Variants in PTPRM observed in about 807,000 individuals in gnomAD.
PTPRM encodes protein tyrosine phosphatase receptor type M, also known as receptor-type tyrosine-protein phosphatase mu.
In PTPRM, 47 loss-of-function variants were observed where a neutral mutation model predicts 186.7. The observed-to-expected ratio is 0.25, with a 90% CI of 0.20 to 0.32. The LOEUF (loss-of-function observed/expected upper bound fraction) is 0.32. PTPRM is among the 10% of genes least tolerant of loss of function. PTPRM has a pLI of 1.00. For missense variants in PTPRM, 1,494 were observed against 1,865.0 expected (o/e 0.80, Z 3.66); for synonymous variants, 668 against 674.9 (o/e 0.99, Z 0.16).
chr18:7,720,257 T>A (rs1259375778), intron 1 of PTPRM, among the ~76,000 whole-genome samples: 2 of 152,072 alleles, frequency 1.3e-5, no homozygotes, highest in African/African-American at 4.8e-5. Flanking sequence ...CGTACAAAAA[T>A]AGGAAGACCT....
At chr18:8,346,480 T>G (rs527782870) in intron 23 of PTPRM, among the ~76,000 whole-genome samples, 1 of 152,328 alleles carries the variant, frequency 6.6e-6, no homozygotes, top group South Asian at 2.1e-4. Flanking sequence ...GGCCCCACCT[T>G]AATGACCTCA....
intron 1 of PTPRM, among the ~76,000 whole-genome samples, chr18:7,612,889 T>C (rs1191017100): frequency 6.6e-6 from 1 of 152,076 alleles, no homozygotes; most frequent in African/African-American, 2.4e-5. Context: ...TCCCATCGAG[T>C]AGAAGGGAGG....
intron 32 of PTPRM, among the ~76,000 whole-genome samples, chr18:8,402,119 G>A (rs962425468): frequency 5.3e-5 from 8 of 152,222 alleles, no homozygotes; most frequent in African/African-American, 1.9e-4. Flanking sequence ...TGAGCTGAGA[G>A]AGGAAACTGC....
At chr18:7,984,572 C>CATATATATATATATATATATAT (rs71354583) in intron 7 of PTPRM, among the ~76,000 whole-genome samples, 4 of 88,696 alleles carry the variant, frequency 4.5e-5, no homozygotes, top group South Asian at 3.4e-4. Context: ...ATATATGCCC[C>CATATATATATATATATATATAT]ATATATATAT....
chr18:8,140,395 A>C (rs1313905661), intron 13 of PTPRM, among the ~76,000 whole-genome samples: 2 of 151,654 alleles, frequency 1.3e-5, no homozygotes, highest in Non-Finnish European at 2.9e-5. Flanking sequence ...CCAAGTTGAA[A>C]ACCAGCTAAA....
intron 7 of PTPRM, among the ~76,000 whole-genome samples, chr18:8,005,861 T>G (rs2084153205): frequency 6.6e-6 from 1 of 152,230 alleles, no homozygotes; most frequent in African/African-American, 2.4e-5. Context: ...AATTGTGGAA[T>G]AAGTAGTCTT....
chr18:8,356,336 G>C (rs1427121355), intron 23 of PTPRM, among the ~76,000 whole-genome samples: 1 of 152,206 alleles, frequency 6.6e-6, no homozygotes, highest in Non-Finnish European at 1.5e-5. Context: ...TCAGAAGAGA[G>C]GGAGAGACTG....
chr18:7,759,011 G>A lies in PTPRM; in HGVS notation c.74-15138G>A, dbSNP rs988595737. ...GGATGTGTTTCCTGGTGATGGCTGA[G>A]ACAGAGCTATCAGCTGGTAACTGTA... On this transcript the variant is annotated intron_variant, in intron 1 of 32. Coordinates refer to ENST00000580170, the MANE Select transcript of PTPRM (RefSeq NM_001105244.2). 9.2e-5 allele frequency among the ~76,000 whole-genome samples: 14 copies of A among 152,336 alleles called. No homozygotes were observed. The South Asian group carries it at 2.7e-3, about 29-fold the overall frequency.
chr18:8,021,035 C>T (rs1187874915), intron 7 of PTPRM, among the ~76,000 whole-genome samples: 3 of 152,060 alleles, frequency 2.0e-5, no homozygotes, highest in Non-Finnish European at 4.4e-5. Flanking sequence ...TGATAAATGC[C>T]TGGGATTCTG....
At chr18:7,966,791 G>C (rs2054117472) in intron 7 of PTPRM, among the ~76,000 whole-genome samples, 1 of 134,674 alleles carries the variant, frequency 7.4e-6, no homozygotes, top group Non-Finnish European at 1.7e-5. Context: ...CCCACACCTG[G>C]CTCGGAGGGT....
chr18:7,931,443 C>A (rs8093794), intron 5 of PTPRM, among the ~76,000 whole-genome samples: 2 of 152,092 alleles, frequency 1.3e-5, no homozygotes, highest in African/African-American at 4.8e-5. Context: ...CAGTGGCTCA[C>A]GCCTGTAATC....
intron 2 of PTPRM, among the ~76,000 whole-genome samples, chr18:7,776,871 T>C (rs1217493424): frequency 6.6e-6 from 1 of 152,218 alleles, no homozygotes; most frequent in Non-Finnish European, 1.5e-5. Flanking sequence ...CAGCATCTTA[T>C]AAACATGCAT....
intron 14 of PTPRM, among the ~76,000 whole-genome samples, chr18:8,200,490 C>T (rs2093840151): frequency 6.6e-6 from 1 of 152,246 alleles, no homozygotes; most frequent in Admixed American, 6.5e-5. Context: ...GAGGCCTTTC[C>T]ACTGCATTCA....
intron 22 of PTPRM, among the ~76,000 whole-genome samples, chr18:8,341,122 G>C (rs1039740158): frequency 6.6e-6 from 1 of 152,134 alleles, no homozygotes; most frequent in East Asian, 1.9e-4. Context: ...AATCCTTGCA[G>C]AAGATGTCAC....
rs1182623949 is a variant in PTPRM, at chr18:7,888,196, G to C, written c.287G>C (p.Cys96Ser). Reference protein sequence around the residue: ...LPQLKENDTHCIDFHYFVSSK... With the variant: ...LPQLKENDTHSIDFHYFVSSK... ...CAACTTAAAGAAAATGACACCCACT[G>C]CATCGATTTTCACTATTTTGTGTCC... Residue 96 changes from cysteine (C) to serine (S), a missense_variant, in exon 3 of 33, where the codon TGC becomes TCC. Coordinates refer to ENST00000580170, the MANE Select transcript of PTPRM (RefSeq NM_001105244.2). The C allele has an allele frequency of 6.2e-7, 1 of 1,614,144 alleles. No homozygotes were observed. Among genetic ancestry groups the C allele is most frequent in the South Asian group, 1.1e-5 (1 of 91,084 alleles).
At chr18:7,791,153 C>T (rs2043323582) in intron 2 of PTPRM, among the ~76,000 whole-genome samples, 1 of 152,098 alleles carries the variant, frequency 6.6e-6, no homozygotes, top group Non-Finnish European at 1.5e-5. Context: ...GAGCAAATGA[C>T]ATGGTTATTT....
intron 14 of PTPRM, among the ~76,000 whole-genome samples, chr18:8,238,256 A>G (rs2094369418): frequency 6.6e-6 from 1 of 151,894 alleles, no homozygotes; most frequent in Non-Finnish European, 1.5e-5. Flanking sequence ...TAGTTGCCCC[A>G]TGGTTTTGGG....
chr18:8,327,259 G>T (rs2095383133), intron 22 of PTPRM, among the ~76,000 whole-genome samples: 1 of 152,162 alleles, frequency 6.6e-6, no homozygotes, highest in Admixed American at 6.5e-5. Flanking sequence ...CATCTTTGAG[G>T]ATGCCAGGTC....
intron 1 of PTPRM, among the ~76,000 whole-genome samples, chr18:7,755,855 G>T (rs1002524018): frequency 6.6e-6 from 1 of 152,192 alleles, no homozygotes; most frequent in Non-Finnish European, 1.5e-5. Flanking sequence ...AAGCTGAGAG[G>T]CTGCTGTGGT....
Sources: gnomAD v4.1 joint callset for allele counts (sites outside exome capture counted in the v4.1 genomes callset) on GRCh38, gnomAD v4.1.1 for gene constraint, MANE v1.5 for transcripts, NCBI Gene and HGNC (gene_info 2026-07-23, HGNC 2026-07-21) for gene names.